Variants in OLFML2A observed in about 807,000 individuals in gnomAD.
OLFML2A encodes the protein olfactomedin like 2A.
In OLFML2A, 47 loss-of-function variants were observed where a neutral mutation model predicts 60.9. The observed-to-expected ratio is 0.77, with a 90% CI of 0.61 to 0.98. The LOEUF (loss-of-function observed/expected upper bound fraction) is 0.98, where lower values mean the gene tolerates loss of function less well. OLFML2A is among the 50% of genes least tolerant of loss of function. The pLI, the probability that OLFML2A is intolerant of heterozygous loss-of-function variation, is 0.00. For synonymous variants in OLFML2A, 372 were observed against 375.0 expected (o/e 0.99, Z 0.09); for missense variants, 922 against 879.8 (o/e 1.05, Z -0.61).
At chr9:124,808,679 C>T (rs1322037451) in intron 7 of OLFML2A, among the ~76,000 whole-genome samples, 2 of 152,006 alleles carry the variant, frequency 1.3e-5, no homozygotes, top group Non-Finnish European at 2.9e-5. Flanking sequence ...AGGAGTAAGC[C>T]ATGCGGAAGG....
At position 124,777,236 on chromosome 9, in the gene OLFML2A, G is replaced by C. The variant is rs1841271605; in HGVS notation, c.-35G>C. On this transcript the variant is annotated 5_prime_UTR_variant, in exon 1 of 8. Coordinates refer to ENST00000373580, the MANE Select transcript of OLFML2A (RefSeq NM_182487.4). The surrounding 1 kb of genome is among the most constrained non-coding windows in gnomAD (Gnocchi z 6.2). ...GCAGCCCGCGCTTCCCAGCGTCCGT[G>C]CCCGGCCGCCTGTGCCTACCGTGCC... 1.6e-5 allele frequency: 14 copies of C among 882,206 alleles called. No individual in the cohort carries two copies. Among genetic ancestry groups the C allele is most frequent in the Non-Finnish European group, 1.8e-5 (12 of 673,630 alleles). 54.6% of individuals were successfully genotyped at this position (882,206 alleles called of 1,614,324 possible).
chr9:124,791,310 C>T (rs1029316288), intron 2 of OLFML2A, among the ~76,000 whole-genome samples: 1 of 152,198 alleles, frequency 6.6e-6, no homozygotes, highest in Non-Finnish European at 1.5e-5. Context: ...TCTGGCCACG[C>T]CAGCACCTGT....
chr9:124,807,085 A>G (rs1344982210), intron 6 of OLFML2A, among the ~76,000 whole-genome samples: 1 of 136,354 alleles, frequency 7.3e-6, no homozygotes, highest in Non-Finnish European at 1.6e-5. Context: ...AGCTAATTAA[A>G]AAAATTTTTT....
chr9:124,807,673 A>C (rs1308488878), intron 6 of OLFML2A, 108 bp from the exon 7 acceptor site: 13 of 840,558 alleles, frequency 1.5e-5, no homozygotes, highest in Non-Finnish European at 2.3e-5. Flanking sequence ...CCACAAACAA[A>C]ATTTCAGGAG....
rs1243503220 is a variant in OLFML2A, at chr9:124,814,122, TGGAGCTCCCGCCTTGC to T, written c.*3713_*3728del. The T allele has an allele frequency of 3.3e-5, 5 of 152,220 alleles. No individual in the cohort carries two copies. Among genetic ancestry groups the T allele is most frequent in the Non-Finnish European group, 7.3e-5 (5 of 68,068 alleles). 9.4% of individuals were successfully genotyped at this position (152,220 alleles called of 1,614,324 possible). On this transcript the variant is annotated 3_prime_UTR_variant, in exon 8 of 8. Transcript: ENST00000373580. Reference sequence around the variant, plus strand: ...GCTTTCTCTGCGGTGGGGTAGAGAATGGAGCTCCCGCCTTGCGGGCAGTGCTAAAGGTGGAGCTGGG... The same window carrying T: ...GCTTTCTCTGCGGTGGGGTAGAGAATGGGCAGTGCTAAAGGTGGAGCTGGG...
At chr9:124,808,700 G>A (rs572267154) in intron 7 of OLFML2A, among the ~76,000 whole-genome samples, 3 of 152,176 alleles carry the variant, frequency 2.0e-5, no homozygotes, top group Non-Finnish European at 4.4e-5. Context: ...GAGAGGGAAG[G>A]GTGTTCCAGG....
intron 1 of OLFML2A, among the ~76,000 whole-genome samples, chr9:124,778,588 A>T (rs1841302703): frequency 6.6e-6 from 1 of 150,894 alleles, no homozygotes. Flanking sequence ...GTGGCACAAG[A>T]CCAGTCTAGG....
chr9:124,795,821 C>T (rs1285043846), intron 3 of OLFML2A, among the ~76,000 whole-genome samples: 2 of 152,186 alleles, frequency 1.3e-5, no homozygotes, highest in African/African-American at 4.8e-5. Context: ...TAAAACATGG[C>T]AGGACTGACC....
At chr9:124,805,902 G>T (rs1227883893) in intron 6 of OLFML2A, among the ~76,000 whole-genome samples, 2 of 126,012 alleles carry the variant, frequency 1.6e-5, no homozygotes, top group African/African-American at 3.0e-5. Context: ...TGCAACCTCT[G>T]CCTCCTGAGC....
At chr9:124,784,946 T>G (rs1413849605) in intron 1 of OLFML2A, among the ~76,000 whole-genome samples, 11 of 95,154 alleles carry the variant, frequency 1.2e-4, no homozygotes, top group African/African-American at 5.1e-4. Flanking sequence ...TTTACTTGTT[T>G]TTTTTTTTTT....
At chr9:124,784,848 T>C (rs1841427211) in intron 1 of OLFML2A, among the ~76,000 whole-genome samples, 1 of 152,006 alleles carries the variant, frequency 6.6e-6, no homozygotes, top group South Asian at 2.1e-4. Context: ...AACCATATCA[T>C]ATGTGGCCTT....
rs73587167 is a variant in OLFML2A at position 124,814,211 on chromosome 9, C to A, written c.*3799C>A. 15,999 of 152,274 alleles carry A rather than the reference C, an allele frequency of 0.11. 2,829 individuals are homozygous for A. Among genetic ancestry groups the A allele is most frequent in the African/African-American group, 0.37 (15,215 of 41,490 alleles). 9.4% of individuals were successfully genotyped at this position (152,274 alleles called of 1,614,324 possible). On this transcript the variant is annotated 3_prime_UTR_variant, in exon 8 of 8. Transcript: ENST00000373580. ...AGGGCTCTTGAAAGCCCATGTGTTC[C>A]AAAGCGTCTTTAACTCTGGGATAGC...
In OLFML2A at chr9:124,786,880, G is replaced by C. The variant is rs1271352025; in HGVS notation, c.91-95G>C. The C allele has an allele frequency of 3.7e-6, 5 of 1,345,936 alleles. No individual in the cohort carries two copies. In the African/African-American group the frequency reaches 5.8e-5, roughly 15 times the overall value. The allele number at this position is 1,345,936 out of a possible 1,614,324, so 83.4% of individuals were successfully genotyped here. Reference sequence around the variant, plus strand: ...TGCCAAACACTCTCATCCCAAGGCTGGCTGGCCAGCTGGCTTCTGCCATCT... The same window carrying C: ...TGCCAAACACTCTCATCCCAAGGCTCGCTGGCCAGCTGGCTTCTGCCATCT... On this transcript the variant is annotated intron_variant, in intron 1 of 7. Coordinates refer to ENST00000373580, the MANE Select transcript of OLFML2A (RefSeq NM_182487.4).
At chr9:124,799,989 G>T (rs917723684) in intron 4 of OLFML2A, among the ~76,000 whole-genome samples, 1 of 152,122 alleles carries the variant, frequency 6.6e-6, no homozygotes, top group African/African-American at 2.4e-5. Context: ...CCAGGCACTC[G>T]ACCTCCAAGC....
At position 124,804,153 on chromosome 9, in the gene OLFML2A, TCCAACTCCGCAGAGC is replaced by T. The variant is rs746253217; in HGVS notation, c.995_1009del (p.Pro332_Glu336del). On this transcript the variant is annotated inframe_deletion, in exon 6 of 8. Coordinates refer to ENST00000373580, the MANE Select transcript of OLFML2A (RefSeq NM_182487.4). ...ACTGCCGCCCAAGGTGGAGGGCAGG[TCCAACTCCGCAGAGC>T]CCAACTCCGCAGAGCAGGATGAGGC... is the stretch of plus-strand genomic sequence containing the variant. The T allele has an allele frequency of 9.3e-5, 150 of 1,613,882 alleles. No homozygotes were observed. Among genetic ancestry groups the T allele is most frequent in the Non-Finnish European group, 1.1e-4 (133 of 1,179,932 alleles).
chr9:124,803,204 C>G (rs1055477301), intron 5 of OLFML2A, among the ~76,000 whole-genome samples: 4 of 152,140 alleles, frequency 2.6e-5, no homozygotes, highest in African/African-American at 9.7e-5. Context: ...CCACCGCGCC[C>G]GGCCGGTGTC....
intron 7 of OLFML2A, 150 bp downstream of exon 7, chr9:124,808,116 G>A: frequency 1.6e-6 from 1 of 643,660 alleles, no homozygotes; most frequent in Non-Finnish European, 2.7e-6. Context: ...AGGGGGTTCT[G>A]GGCTGAGGGC....
intron 2 of OLFML2A, among the ~76,000 whole-genome samples, chr9:124,791,411 T>TA (rs1467617839): frequency 6.6e-6 from 1 of 152,130 alleles, no homozygotes; most frequent in Non-Finnish European, 1.5e-5. Flanking sequence ...AATAGTTTTG[T>TA]AAAATGCTAT....
At chr9:124,786,843 C>A (rs1225482986) in intron 1 of OLFML2A, 132 bp from the exon 2 acceptor site, 18 of 796,116 alleles carry the variant, frequency 2.3e-5, no homozygotes, top group Non-Finnish European at 3.5e-5. Flanking sequence ...TCTAATTGCA[C>A]CCCCTCCTAC....
Sources: gnomAD v4.1 joint callset for allele counts (sites outside exome capture counted in the v4.1 genomes callset) on GRCh38, gnomAD v4.1.1 for gene constraint, Gnocchi (gnomAD v3.1) non-coding constraint, MANE v1.5 for transcripts, NCBI Gene and HGNC (gene_info 2026-07-23, HGNC 2026-07-21) for gene names.